GSTA2: variants seen among roughly 807,000 people sequenced by gnomAD.
The protein encoded by GSTA2 is glutathione S-transferase alpha 2, also known as glutathione S-transferase A2.
A neutral mutation model predicts 22.4 loss-of-function variants in GSTA2; 27 were observed. The ratio of observed to expected loss-of-function variants is 1.21; its 90% CI spans 0.89 to 1.67. The LOEUF (loss-of-function observed/expected upper bound fraction) is 1.67, where lower values mean the gene tolerates loss of function less well. Ranked by LOEUF, GSTA2 falls within the 40% of genes most tolerant of loss-of-function variation. GSTA2 has a pLI of 0.00. For synonymous variants in GSTA2, 121 were observed against 86.8 expected (o/e 1.39, Z -2.19); for missense variants, 302 against 260.2 (o/e 1.16, Z -1.11).
intron 3 of GSTA2, among the ~76,000 whole-genome samples, chr6:52,755,338 T>A (rs76805046): frequency 0.018 from 2,702 of 151,752 alleles, 84 homozygotes; most frequent in African/African-American, 0.061. Context: ...TCTCAGCCTC[T>A]CTATAGCTGA....
intron 4 of GSTA2, 118 bp from the exon 5 acceptor site, chr6:52,753,113 G>T: frequency 1.1e-6 from 1 of 892,456 alleles, no homozygotes; most frequent in Non-Finnish European, 1.7e-6. Context: ...TCCAATGAGT[G>T]CCTTTTATAG....
chr6:52,752,329 T>C (rs1426540937), intron 5 of GSTA2, among the ~76,000 whole-genome samples: 1 of 152,230 alleles, frequency 6.6e-6, no homozygotes, highest in Admixed American at 6.5e-5. Context: ...ACTGCTCTGA[T>C]GTCTGCAACT....
chr6:52,759,020 A>C (rs1001899923), intron 1 of GSTA2, among the ~76,000 whole-genome samples: 4 of 152,152 alleles, frequency 2.6e-5, no homozygotes, highest in Admixed American at 2.0e-4. Flanking sequence ...ACTGAGTCTT[A>C]TTTTCTATGT....
chr6:52,754,856 A>T, intron 4 of GSTA2, 87 bp downstream of exon 4: 1 of 1,575,074 alleles, frequency 6.3e-7, no homozygotes, highest in Non-Finnish European at 8.7e-7. Context: ...GCTGGTCTTG[A>T]TACCCTGCCA....
intron 6 of GSTA2, 43 bp downstream of exon 6, chr6:52,751,534 G>A: frequency 6.2e-7 from 1 of 1,612,998 alleles, no homozygotes; most frequent in Non-Finnish European, 8.5e-7. Context: ...TCCCAAGATG[G>A]GAGATGTGGG....
At chr6:52,755,581 A>G (rs1762825888) in intron 3 of GSTA2, among the ~76,000 whole-genome samples, 1 of 151,996 alleles carries the variant, frequency 6.6e-6, no homozygotes, top group Non-Finnish European at 1.5e-5. Flanking sequence ...GTTTTTATCC[A>G]TTTATTTCAT....
At chr6:52,751,756 G>A in intron 5 of GSTA2, 48 bp from the exon 6 acceptor site, 10 of 1,613,590 alleles carry the variant, frequency 6.2e-6, no homozygotes, top group Non-Finnish European at 7.6e-6. Context: ...CACCCAGGCT[G>A]GGACCCCTGC....
In GSTA2 at chr6:52,757,866, C is replaced by T; in HGVS notation, c.82G>A (p.Val28Ile). 6.2e-7 allele frequency: 1 copy of T among 1,612,956 alleles called. No homozygotes were observed. ...SIRWLLAAAG[V>I]EFEEKFIKSA... Reference sequence around the variant, plus strand: ...TGACCTAACTCAGAACCTACCTCTACTCCAGCTGCAGCCAGGAGCCACCGG... The same window carrying T: ...TGACCTAACTCAGAACCTACCTCTATTCCAGCTGCAGCCAGGAGCCACCGG... Residue 28 changes from valine to isoleucine, a missense_variant, in exon 2 of 7, where the codon GTA becomes ATA. Coordinates refer to ENST00000493422, the MANE Select transcript of GSTA2 (RefSeq NM_000846.5).
rs142078893 is a variant in GSTA2, at chr6:52,752,996, C to A, written c.273-1G>T. On this transcript the variant is annotated splice_acceptor_variant, in intron 4 of 6. Transcript: ENST00000493422. LOFTEE classifies it high-confidence loss of function. ...TATACCTTCTATATACATATCAATC[C>A]TGAAAGACAAAAACAACCAAATGGT... 1.1e-4 allele frequency: 173 copies of A among 1,586,790 alleles called. 1 individual carries two copies. The highest frequency in any genetic ancestry group is 2.4e-4 in the Admixed American group (13 of 54,012).
rs747060432 is a variant in GSTA2, at chr6:52,757,892, A to G, written c.56T>C (p.Ile19Thr). Residue 19 changes from isoleucine (I) to threonine (T), a missense_variant, in exon 2 of 7, where the codon ATC becomes ACC. Physicochemically the swap from Ile to Thr is moderately conservative, Grantham distance 89 (BLOSUM62 -1). Coordinates refer to ENST00000493422, the MANE Select transcript of GSTA2 (RefSeq NM_000846.5). ...YSNIRGRMES[I>T]RWLLAAAGVE... is the part of the protein sequence containing the mutation. ...TCCAGCTGCAGCCAGGAGCCACCGG[A>G]TGGACTCCATTCTGCCCCGTATATT... 103 of 1,613,678 alleles carry G rather than the reference A, an allele frequency of 6.4e-5. 1 individual carries two copies. Among genetic ancestry groups the G allele is most frequent in the South Asian group, 5.7e-4 (52 of 91,068 alleles).
chr6:52,763,191 T>A (rs1762981351), intron 1 of GSTA2, among the ~76,000 whole-genome samples: 1 of 152,210 alleles, frequency 6.6e-6, no homozygotes, highest in African/African-American at 2.4e-5. Flanking sequence ...TCTCCTCATG[T>A]CATTGTTTCC....
intron 1 of GSTA2, among the ~76,000 whole-genome samples, chr6:52,759,582 T>TTTTTTTTTTTTTTTTTTTTTTTTTTG (rs1762916934): frequency 8.2e-6 from 1 of 122,090 alleles, no homozygotes; most frequent in African/African-American, 3.4e-5. Context: ...TTTTTTTTTT[T>TTTTTTTTTTTTTTTTTTTTTTTTTTG]TTTTTTTTTT....
chr6:52,754,825 A>T (rs1223309197), intron 4 of GSTA2, 118 bp downstream of exon 4: 2 of 1,360,380 alleles, frequency 1.5e-6, no homozygotes, highest in African/African-American at 2.9e-5. Flanking sequence ...CTCAGCGTGC[A>T]TGCCCAAGGC....
rs147776857 is a variant in GSTA2 at position 52,754,968 on chromosome 6, C to T, written c.247G>A (p.Gly83Arg). 1.3e-5 allele frequency: 21 copies of T among 1,614,004 alleles called. No homozygotes were observed. The African/African-American group carries it at 2.7e-4, about 20-fold the overall frequency. Residue 83 changes from glycine (G) to arginine (R), a missense_variant, in exon 4 of 7, where the codon GGG becomes AGG. Physicochemically the swap from Gly to Arg is moderately radical, Grantham distance 125. Transcript: ENST00000493422. ...NYIASKYNLYGKDIKEKALID... is the reference protein window; with the variant it reads ...NYIASKYNLYRKDIKEKALID... ...AGGGCTTTCTCCTTTATGTCTTTCC[C>T]ATAGAGGTTGTATTTGCTGGCAATG... is the stretch of plus-strand genomic sequence containing the variant.
In GSTA2 at chr6:52,759,538, C is replaced by A. The variant is rs893148229; in HGVS notation, c.-30-1561G>T. Among the ~76,000 whole-genome samples, 7 of 132,562 alleles carry A rather than the reference C, an allele frequency of 5.3e-5. No individual in the cohort carries two copies. In the Admixed American group the frequency reaches 5.5e-4, roughly 10 times the overall value. The allele number at this position is 132,562 out of a possible 152,430, so 87.0% of individuals were successfully genotyped here. A position where few individuals can be genotyped will look rare whatever the true frequency, so the allele number is the denominator to read the frequency against. On this transcript the variant is annotated intron_variant, in intron 1 of 6. Coordinates refer to ENST00000493422, the MANE Select transcript of GSTA2 (RefSeq NM_000846.5). ...TGAGTGTGGAACAAAAATATACTTG[C>A]CTTTAACAACTAATGTATTTATTTG...
intron 3 of GSTA2, among the ~76,000 whole-genome samples, chr6:52,755,916 G>A (rs1235416868): frequency 6.6e-6 from 1 of 152,154 alleles, no homozygotes; most frequent in African/African-American, 2.4e-5. Flanking sequence ...TTTGTCTAAT[G>A]CATGTTCTTG....
chr6:52,759,820 GT>G (rs1762924342), intron 1 of GSTA2, among the ~76,000 whole-genome samples: 2 of 151,938 alleles, frequency 1.3e-5, no homozygotes, highest in African/African-American at 4.8e-5. Context: ...CTGACCCCAG[GT>G]GATCCACTCA....
intron 1 of GSTA2, among the ~76,000 whole-genome samples, chr6:52,759,578 T>TTG (rs1561897429): frequency 8.4e-6 from 1 of 118,996 alleles, no homozygotes; most frequent in African/African-American, 3.4e-5. Flanking sequence ...TTTTTTTTTT[T>TTG]TTTTTTTTTT....
rs933473173 is a variant in GSTA2, at chr6:52,755,010, T to C, written c.205A>G (p.Arg69Gly). The C allele has an allele frequency of 1.2e-6, 2 of 1,614,050 alleles. No individual in the cohort carries two copies. Among genetic ancestry groups the C allele is most frequent in the Middle Eastern group, 1.6e-4 (1 of 6,084 alleles). ...CTGGCAATGTAGTTGAGAATGGCTC[T>C]GGTCTGCACCAGCTTCATCCCATCA... is the stretch of plus-strand genomic sequence containing the variant. ...EIDGMKLVQT[R>G]AILNYIASKY... The change falls in exon 4 of 7, where the codon AGA becomes GGA. Residue 69 changes from arginine to glycine, a missense_variant. Coordinates refer to ENST00000493422, the MANE Select transcript of GSTA2 (RefSeq NM_000846.5).
Sources: allele counts gnomAD v4.1 joint callset (sites outside exome capture counted in the v4.1 genomes callset), GRCh38; gene constraint gnomAD v4.1.1; transcripts MANE v1.5; gene names NCBI Gene and HGNC (gene_info 2026-07-23, HGNC 2026-07-21).